CNIH3: variants seen among roughly 807,000 people sequenced by gnomAD.
The protein encoded by CNIH3 is protein cornichon homolog 3.
Under a neutral mutation model 24.1 loss-of-function variants are expected in CNIH3, and 14 were observed. That is an observed-to-expected ratio of 0.58 (90% CI 0.38 to 0.91). CNIH3 has a LOEUF of 0.91. Ranked by LOEUF, CNIH3 falls within the 40% of genes least tolerant of loss-of-function variation. CNIH3 has a pLI of 0.00. For synonymous variants in CNIH3, 68 were observed against 73.8 expected, an observed-to-expected ratio of 0.92 and a Z score of 0.40; for missense variants, 178 against 196.8, an observed-to-expected ratio of 0.90 and a Z score of 0.57.
intron 1 of CNIH3, among the ~76,000 whole-genome samples, chr1:224,643,333 C>T (rs1349071582): frequency 6.6e-6 from 1 of 152,240 alleles, no homozygotes; most frequent in African/African-American, 2.4e-5. Context: ...ATTTTATTTG[C>T]AGCATCTTTT....
At chr1:224,551,631 T>C (rs990055475) in intron 3 of CNIH3, among the ~76,000 whole-genome samples, 1 of 152,116 alleles carries the variant, frequency 6.6e-6, no homozygotes, top group African/African-American at 2.4e-5. Flanking sequence ...CTAGATATTA[T>C]AGAAATATCA....
chr1:224,516,633 G>T (rs565942359), intron 1 of CNIH3, among the ~76,000 whole-genome samples: 3 of 152,362 alleles, frequency 2.0e-5, no homozygotes, highest in Non-Finnish European at 1.5e-5. Context: ...CCAGGCAGTG[G>T]TGCTGGCCCT....
upstream of CNIH3, chr1:224,615,559 A>T (rs1178940673): frequency 1.3e-5 from 2 of 152,130 alleles, no homozygotes; most frequent in Non-Finnish European, 2.9e-5. Flanking sequence ...TTTTCTGATA[A>T]GGAAACTAAG....
At chr1:224,660,572 A>G (rs755185943) in intron 1 of CNIH3, among the ~76,000 whole-genome samples, 1 of 152,218 alleles carries the variant, frequency 6.6e-6, no homozygotes, top group Non-Finnish European at 1.5e-5. Context: ...AAAGCAAATG[A>G]CAAAGACCCA....
intron 3 of CNIH3, among the ~76,000 whole-genome samples, chr1:224,702,934 C>T (rs1687582257): frequency 6.6e-6 from 1 of 152,146 alleles, no homozygotes; most frequent in Admixed American, 6.5e-5. Context: ...CTTTACTGTC[C>T]TGGGCCTGCA....
chr1:224,513,924 A>T (rs1421971506), upstream of CNIH3: 1 of 152,192 alleles, frequency 6.6e-6, no homozygotes, highest in Non-Finnish European at 1.5e-5. Context: ...TTCTGCCGGG[A>T]GAGGGCGTCT....
chr1:224,458,021 A>G lies in CNIH3; in HGVS notation n.203+23159A>G, dbSNP rs1008125302. Among the ~76,000 whole-genome samples the G allele has an allele frequency of 2.2e-4, 34 of 152,212 alleles. No homozygotes were observed. Among genetic ancestry groups the G allele is most frequent in the African/African-American group, 6.8e-4 (28 of 41,448 alleles). On this transcript the variant is annotated intron_variant and non_coding_transcript_variant, in intron 1 of 5. Transcript: ENST00000471578. This position sits in a 1 kb window ranked among gnomAD's most constrained non-coding sequence, Gnocchi z 4.3. ...GCCCTTTGAAATGGTCTTAAACAGA[A>G]ATAGTGTATTACTGTAATAATTATA...
intron 1 of CNIH3, among the ~76,000 whole-genome samples, chr1:224,507,302 G>A (rs753300627): frequency 2.0e-5 from 3 of 152,144 alleles, no homozygotes; most frequent in Middle Eastern, 6.3e-3. Context: ...CAGACAGATC[G>A]GGTTCAAATC....
chr1:224,681,989 A>G (rs561880787), intron 2 of CNIH3, among the ~76,000 whole-genome samples: 1 of 152,240 alleles, frequency 6.6e-6, no homozygotes, highest in African/African-American at 2.4e-5. Flanking sequence ...CAGAAGTCGT[A>G]GAGAGAACAA....
rs137900832 is a variant in CNIH3, at chr1:224,440,513, C to A, written n.203+5651C>A. On this transcript the variant is annotated intron_variant and non_coding_transcript_variant, in intron 1 of 5. Coordinates refer to the CNIH3 transcript ENST00000471578. ...GTTCTGGGATTACAGACATGAGCAA[C>A]TGCTTCTGGCCTGAAGCATTAAGAG... is the stretch of plus-strand genomic sequence containing the variant. Among the ~76,000 whole-genome samples the A allele has an allele frequency of 3.7e-4, 57 of 152,304 alleles. 1 individual carries two copies. Among genetic ancestry groups the A allele is most frequent in the Non-Finnish European group, 7.6e-4 (52 of 68,038 alleles).
downstream of CNIH3, among the ~76,000 whole-genome samples, chr1:224,589,229 C>T (rs1391743394): frequency 6.6e-6 from 1 of 152,122 alleles, no homozygotes; most frequent in Non-Finnish European, 1.5e-5. Context: ...TATTCCCAGA[C>T]CCTGCCACAA....
At chr1:224,490,491 T>C (rs1158104272) in intron 1 of CNIH3, among the ~76,000 whole-genome samples, 1 of 152,234 alleles carries the variant, frequency 6.6e-6, no homozygotes, top group East Asian at 1.9e-4. Context: ...TTTCACAGTT[T>C]TTCTTTATGG....
chr1:224,620,998 A>T (rs1436491828), intron 1 of CNIH3, among the ~76,000 whole-genome samples: 1 of 152,250 alleles, frequency 6.6e-6, no homozygotes, highest in Non-Finnish European at 1.5e-5. Context: ...AGTGTGTCTC[A>T]TTTATATAAA....
chr1:224,439,463 G>A (rs191020759), intron 1 of CNIH3, among the ~76,000 whole-genome samples: 40 of 151,790 alleles, frequency 2.6e-4, no homozygotes, highest in African/African-American at 7.5e-4. Flanking sequence ...ATAGAAACGA[G>A]ATCATTCTTT....
intron 4 of CNIH3, among the ~76,000 whole-genome samples, chr1:224,570,757 T>C (rs1236399291): frequency 6.6e-6 from 1 of 152,228 alleles, no homozygotes; most frequent in African/African-American, 2.4e-5. Context: ...CAACTTTGTA[T>C]GCAATCTTTC....
intron 3 of CNIH3, among the ~76,000 whole-genome samples, chr1:224,728,297 G>A (rs998833290): frequency 2.6e-5 from 4 of 152,220 alleles, no homozygotes; most frequent in Non-Finnish European, 4.4e-5. Flanking sequence ...CTCTTTGAAT[G>A]GGAGGGGGTA....
At chr1:224,649,681 C>T (rs1021314209) in intron 1 of CNIH3, among the ~76,000 whole-genome samples, 3 of 152,136 alleles carry the variant, frequency 2.0e-5, no homozygotes, top group Non-Finnish European at 4.4e-5. Context: ...GAAAACTTTG[C>T]CCGAGGAAAG....
In CNIH3 at chr1:224,616,647, T is replaced by G; in HGVS notation, c.-528T>G. The G allele has an allele frequency of 2.0e-6, 2 of 987,828 alleles. No homozygotes were observed. Among genetic ancestry groups the G allele is most frequent in the Non-Finnish European group, 2.4e-6 (2 of 831,746 alleles). 61.2% of individuals were successfully genotyped at this position (987,828 alleles called of 1,614,324 possible). ...GAAAGAGCGCTGCCCGGCTCTGGGA[T>G]TTGGGAGGAGCTCGGAGGCCGCTCG... On this transcript the variant is annotated 5_prime_UTR_variant, in exon 1 of 6. Coordinates refer to ENST00000272133, the MANE Select transcript of CNIH3 (RefSeq NM_152495.2).
intron 3 of CNIH3, among the ~76,000 whole-genome samples, chr1:224,595,683 G>T (rs75430545): frequency 0.026 from 3,972 of 152,294 alleles, 178 homozygotes; most frequent in African/African-American, 0.09. Context: ...CCTCTTGTCA[G>T]TTAGCCAAGT....
Sources: gnomAD v4.1 joint callset for allele counts (sites outside exome capture counted in the v4.1 genomes callset) on GRCh38, gnomAD v4.1.1 for gene constraint, Gnocchi (gnomAD v3.1) non-coding constraint, MANE v1.5 for transcripts, NCBI Gene and HGNC (gene_info 2026-07-23, HGNC 2026-07-21) for gene names.